Variants in TDRD12 observed in about 807,000 individuals in gnomAD.
TDRD12 encodes putative ATP-dependent RNA helicase TDRD12.
In TDRD12, 158 loss-of-function variants were observed where a neutral mutation model predicts 133.5. That is an observed-to-expected ratio of 1.18 (90% CI 1.04 to 1.35). TDRD12 has a LOEUF of 1.35. TDRD12 is among the 40% of genes most tolerant of loss of function. TDRD12 has a pLI of 0.00. For missense variants in TDRD12, 1,443 were observed against 1,321.3 expected (o/e 1.09, Z -1.43); for synonymous variants, 460 against 477.9 (o/e 0.96, Z 0.49).
downstream of TDRD12, chr19:32,829,406 G>C (rs139526856): frequency 6.6e-6 from 1 of 152,350 alleles, no homozygotes; most frequent in African/African-American, 2.4e-5. Flanking sequence ...TGAACAATTA[G>C]TCATTGGTTT....
At position 32,768,682 on chromosome 19, in the gene TDRD12, C is replaced by T. The variant is rs554278100; in HGVS notation, c.866-4071C>T. ...CACGCTGAGACCTTTCTTTGGCTTA[C>T]TTTGCTTGGATGGAGCACATCCATA... On this transcript the variant is annotated intron_variant, in intron 8 of 27. Transcript: ENST00000444215. Among the ~76,000 whole-genome samples the T allele has an allele frequency of 1.2e-4, 19 of 152,134 alleles. 1 individual carries two copies. The highest frequency in any genetic ancestry group is 4.1e-4 in the African/African-American group (17 of 41,512).
exon 26 of TDRD12, chr19:32,815,514 T>C: frequency 6.5e-7 from 1 of 1,536,506 alleles, no homozygotes; most frequent in Non-Finnish European, 8.7e-7. Context: ...AGCTGAAATT[T>C]TGTCCATGGG....
chr19:32,796,180 C>G (rs1048720490), intron 14 of TDRD12: 53 of 985,258 alleles, frequency 5.4e-5, no homozygotes, highest in Non-Finnish European at 6.4e-5. Flanking sequence ...GAGGGTGCTC[C>G]AGACGGGGCT....
intron 8 of TDRD12, among the ~76,000 whole-genome samples, chr19:32,761,497 A>G (rs551022191): frequency 2.8e-4 from 43 of 152,082 alleles, no homozygotes; most frequent in Admixed American, 2.8e-3. Context: ...ATGACCTTGC[A>G]CTTTGGAAGA....
At chr19:32,729,378 C>T (rs1200127155) in intron 1 of TDRD12, among the ~76,000 whole-genome samples, 2 of 151,386 alleles carry the variant, frequency 1.3e-5, no homozygotes, top group Admixed American at 1.3e-4. Context: ...CCACCACGCC[C>T]AGCTAATTTT....
At chr19:32,801,765 A>G in exon 19 of TDRD12, 2 of 1,367,800 alleles carry the variant, frequency 1.5e-6, no homozygotes, top group East Asian at 2.6e-5. Context: ...GGTAGTAGAA[A>G]GCAGTTCAAT....
chr19:32,807,066 G>A (rs773617735), intron 21 of TDRD12, among the ~76,000 whole-genome samples: 1 of 152,054 alleles, frequency 6.6e-6, no homozygotes, highest in Non-Finnish European at 1.5e-5. Flanking sequence ...GCCCTTTGTT[G>A]TGTATTATGG....
At chr19:32,783,551 G>A (rs1203042663) in intron 11 of TDRD12, among the ~76,000 whole-genome samples, 5 of 152,094 alleles carry the variant, frequency 3.3e-5, no homozygotes, top group Non-Finnish European at 5.9e-5. Flanking sequence ...AAATTACTTT[G>A]GGCAGTAAGA....
intron 11 of TDRD12, among the ~76,000 whole-genome samples, chr19:32,778,643 G>T (rs1970677776): frequency 6.6e-6 from 1 of 152,038 alleles, no homozygotes; most frequent in South Asian, 2.1e-4. Context: ...GGAATTACAG[G>T]CGCCTGCCAC....
rs926628823 is a variant in TDRD12, at chr19:32,786,920, C to A, written c.1122-3611C>A. 1.9e-4 allele frequency among the ~76,000 whole-genome samples: 29 copies of A among 152,188 alleles called. 1 individual carries two copies. Among genetic ancestry groups the A allele is most frequent in the African/African-American group, 6.3e-4 (26 of 41,462 alleles). On this transcript the variant is annotated intron_variant, in intron 11 of 27. Transcript: ENST00000444215. ...GTTATTACTGACCTTCTGAAGCTTACTTCTGTCAACTCATCAAACTCATTC... is the reference window on the plus strand; with the variant it reads ...GTTATTACTGACCTTCTGAAGCTTAATTCTGTCAACTCATCAAACTCATTC...
At chr19:32,816,565 G>T (rs753938881) in intron 26 of TDRD12, among the ~76,000 whole-genome samples, 3 of 152,138 alleles carry the variant, frequency 2.0e-5, no homozygotes, top group Non-Finnish European at 4.4e-5. Flanking sequence ...CCAGTTTGGG[G>T]TACTTCAGGT....
chr19:32,774,983 TC>T (rs968598202), intron 10 of TDRD12, among the ~76,000 whole-genome samples: 2 of 150,298 alleles, frequency 1.3e-5, no homozygotes, highest in African/African-American at 4.9e-5. Flanking sequence ...AGACTCCGTT[TC>T]AAAAAAAAAA....
chr19:32,731,382 C>T (rs930379927), intron 1 of TDRD12, among the ~76,000 whole-genome samples: 3 of 151,868 alleles, frequency 2.0e-5, no homozygotes, highest in African/African-American at 7.3e-5. Context: ...TAGCGAGACA[C>T]CATCTCTATT....
chr19:32,767,501 ATTCT>A lies in TDRD12; in HGVS notation c.866-5245_866-5242del, dbSNP rs373402596. Among the ~76,000 whole-genome samples the A allele has an allele frequency of 1.6e-3, 239 of 152,314 alleles. 1 individual carries two copies. Among genetic ancestry groups the A allele is most frequent in the African/African-American group, 5.6e-3 (231 of 41,578 alleles). ...TTCATCATTTTTTATTAAGTAGTCA[ATTCT>A]TTCTTTTTTTGAAAGAAGAAAGAAG... On this transcript the variant is annotated intron_variant, in intron 8 of 27. Coordinates refer to ENST00000444215, the Ensembl canonical transcript of TDRD12.
intron 11 of TDRD12, among the ~76,000 whole-genome samples, chr19:32,785,936 G>A (rs574609461): frequency 1.2e-4 from 19 of 152,198 alleles, no homozygotes; most frequent in Admixed American, 1.2e-3. Context: ...TTACATTTAA[G>A]GTTAATATTG....
chr19:32,782,201 G>A (rs1568475156), intron 11 of TDRD12, among the ~76,000 whole-genome samples: 1 of 151,410 alleles, frequency 6.6e-6, no homozygotes, highest in Non-Finnish European at 1.5e-5. Flanking sequence ...CCACTTAGGA[G>A]TGAGAACATG....
chr19:32,743,409 C>T (rs968993120), intron 4 of TDRD12, among the ~76,000 whole-genome samples: 1 of 150,722 alleles, frequency 6.6e-6, no homozygotes, highest in African/African-American at 2.4e-5. Flanking sequence ...TCCTCCCCTG[C>T]TCCCTTCTTG....
chr19:32,805,293 G>C (rs897226732), intron 21 of TDRD12, among the ~76,000 whole-genome samples: 1 of 150,308 alleles, frequency 6.7e-6, no homozygotes, highest in African/African-American at 2.4e-5. Context: ...TTGGGTAGGG[G>C]GATCGCTTGA....
chr19:32,813,323 T>C (rs888242368), intron 24 of TDRD12, among the ~76,000 whole-genome samples: 13 of 152,224 alleles, frequency 8.5e-5, no homozygotes, highest in Non-Finnish European at 1.5e-4. Context: ...TTCACTTTCA[T>C]TGAGCTTTCA....
Sources: allele counts gnomAD v4.1 joint callset (sites outside exome capture counted in the v4.1 genomes callset), GRCh38; gene constraint gnomAD v4.1.1; transcripts MANE v1.5; gene names NCBI Gene and HGNC (gene_info 2026-07-23, HGNC 2026-07-21).